MACROD2: variants seen among roughly 807,000 people sequenced by gnomAD.
The protein encoded by MACROD2 is ADP-ribose glycohydrolase MACROD2.
MACROD2 carries 36 observed loss-of-function variants against 70.4 expected under a neutral mutation model. The ratio of observed to expected loss-of-function variants is 0.51; its 90% confidence interval spans 0.39 to 0.68. The LOEUF is 0.68. MACROD2 is among the 30% of genes least tolerant of loss of function. The probability of loss-of-function intolerance (pLI) is 0.00; values close to 1 mark genes in which losing one functional copy is unlikely to be tolerated. For missense variants in MACROD2, 496 were observed against 538.4 expected (o/e 0.92, Z 0.78); for synonymous variants, 172 against 178.8 (o/e 0.96, Z 0.30).
At chr20:14,386,925 G>T (rs955541229) in intron 3 of MACROD2, among the ~76,000 whole-genome samples, 2 of 152,198 alleles carry the variant, frequency 1.3e-5, no homozygotes, top group African/African-American at 2.4e-5. Context: ...ATCACCAGGA[G>T]TGTGTGATGC....
intron 8 of MACROD2, among the ~76,000 whole-genome samples, chr20:15,617,410 G>C (rs2049054403): frequency 6.6e-6 from 1 of 152,140 alleles, no homozygotes; most frequent in Non-Finnish European, 1.5e-5. Flanking sequence ...GGCCAATAAA[G>C]TTTATGAACT....
At chr20:14,344,817 C>T (rs142533743) in intron 3 of MACROD2, among the ~76,000 whole-genome samples, 1 of 152,116 alleles carries the variant, frequency 6.6e-6, no homozygotes. Context: ...ATTCAAGGAG[C>T]TTTTTGGTTG....
chr20:14,209,060 T>A (rs2081549159), intron 3 of MACROD2, among the ~76,000 whole-genome samples: 1 of 152,184 alleles, frequency 6.6e-6, no homozygotes, highest in African/African-American at 2.4e-5. Flanking sequence ...GAGTAAGGAT[T>A]ATATAGCAAA....
At chr20:14,177,239 A>AAAACTACAAGTG (rs2081269696) in intron 3 of MACROD2, among the ~76,000 whole-genome samples, 1 of 152,132 alleles carries the variant, frequency 6.6e-6, no homozygotes, top group East Asian at 1.9e-4. Flanking sequence ...CAAAAAAGAG[A>AAAACTACAAGTG]AAACTACAAG....
chr20:15,325,206 G>A (rs2077915752), intron 6 of MACROD2, among the ~76,000 whole-genome samples: 1 of 152,112 alleles, frequency 6.6e-6, no homozygotes, highest in Non-Finnish European at 1.5e-5. Flanking sequence ...AGCTAGGAAT[G>A]TATTTACTTC....
chr20:15,372,400 T>G (rs997137592), intron 6 of MACROD2, among the ~76,000 whole-genome samples: 3 of 152,220 alleles, frequency 2.0e-5, no homozygotes, highest in Non-Finnish European at 4.4e-5. Context: ...AGACTTTAAT[T>G]TTTACAGTTG....
intron 15 of MACROD2, among the ~76,000 whole-genome samples, chr20:16,004,946 C>T (rs1601310708): frequency 6.6e-6 from 1 of 152,248 alleles, no homozygotes; most frequent in South Asian, 2.1e-4. Context: ...GCACCCTAAA[C>T]TCACTAAGTC....
rs576439131 is a variant in MACROD2, at chr20:14,301,052, C to T, written c.272-192427C>T. Among the ~76,000 whole-genome samples, 21 of 152,208 alleles carry T rather than the reference C, an allele frequency of 1.4e-4. 1 individual carries two copies. The highest frequency in any genetic ancestry group is 2.1e-4 in the South Asian group (1 of 4,828). ...CTATTAATGTAGTTAACACTCGCCA[C>T]GATCCTATCAGGTATGTATTCTTAA... is the stretch of plus-strand genomic sequence containing the variant. On this transcript the variant is annotated intron_variant, in intron 3 of 17. Coordinates refer to ENST00000684519, the MANE Select transcript of MACROD2 (RefSeq NM_001351661.2).
At chr20:14,534,067 A>C (rs898802016) in intron 4 of MACROD2, among the ~76,000 whole-genome samples, 3 of 152,240 alleles carry the variant, frequency 2.0e-5, no homozygotes, top group African/African-American at 7.2e-5. Context: ...AATACCAGTT[A>C]AAAGAGAAGG....
intron 5 of MACROD2, among the ~76,000 whole-genome samples, chr20:15,176,046 A>T (rs2076458848): frequency 6.6e-6 from 1 of 152,168 alleles, no homozygotes; most frequent in South Asian, 2.1e-4. Context: ...TGCAGAGCAA[A>T]GTTGTGGCTG....
At chr20:15,197,050 TCTTATAAGGTC>T (rs761698673) in intron 5 of MACROD2, 755 of 984,600 alleles carry the variant, frequency 7.7e-4, no homozygotes, top group East Asian at 3.5e-3. Flanking sequence ...TTTTGCTCAC[TCTTATAAGGTC>T]CTTATAAGGT....
At chr20:15,022,507 A>G (rs1346075279) in intron 5 of MACROD2, among the ~76,000 whole-genome samples, 6 of 152,246 alleles carry the variant, frequency 3.9e-5, no homozygotes, top group Admixed American at 3.9e-4. Flanking sequence ...AATAGTCTGT[A>G]CAATTTATGA....
chr20:14,604,832 G>T (rs953335630), intron 4 of MACROD2, among the ~76,000 whole-genome samples: 9 of 152,114 alleles, frequency 5.9e-5, no homozygotes, highest in African/African-American at 2.2e-4. Flanking sequence ...CAAGGAAGAA[G>T]ATCCCCTCAT....
intron 13 of MACROD2, among the ~76,000 whole-genome samples, chr20:15,978,606 CTCT>C (rs1301929312): frequency 6.6e-6 from 1 of 152,040 alleles, no homozygotes; most frequent in East Asian, 1.9e-4. Flanking sequence ...CTCTCTCTCT[CTCT>C]CTCTCTCGTT....
intron 5 of MACROD2, among the ~76,000 whole-genome samples, chr20:14,844,237 T>C (rs899007664): frequency 1.3e-5 from 2 of 151,986 alleles, no homozygotes; most frequent in African/African-American, 4.8e-5. Flanking sequence ...GGTGGCAAAG[T>C]ACTGGTTCAA....
chr20:14,909,917 C>T (rs997527492), intron 5 of MACROD2, among the ~76,000 whole-genome samples: 35 of 152,210 alleles, frequency 2.3e-4, no homozygotes, highest in African/African-American at 8.2e-4. Context: ...CTTGAACTAA[C>T]TGCCTTATCC....
chr20:14,530,427 T>G (rs1290371024), intron 4 of MACROD2, among the ~76,000 whole-genome samples: 1 of 152,202 alleles, frequency 6.6e-6, no homozygotes, highest in Non-Finnish European at 1.5e-5. Context: ...ACTTTCATAT[T>G]TTTTATTTAG....
At chr20:14,390,943 G>C (rs560499138) in intron 3 of MACROD2, among the ~76,000 whole-genome samples, 1 of 152,240 alleles carries the variant, frequency 6.6e-6, no homozygotes, top group South Asian at 2.1e-4. Context: ...ACACCAGTCA[G>C]AATGGCTATT....
chr20:14,852,270 C>A (rs1218434465), intron 5 of MACROD2, among the ~76,000 whole-genome samples: 1 of 152,072 alleles, frequency 6.6e-6, no homozygotes, highest in Non-Finnish European at 1.5e-5. Flanking sequence ...AAGAGGCCCC[C>A]ACAGTAGTCC....
Sources: gnomAD v4.1 joint callset for allele counts (sites outside exome capture counted in the v4.1 genomes callset) on GRCh38, gnomAD v4.1.1 for gene constraint, MANE v1.5 for transcripts, NCBI Gene and HGNC (gene_info 2026-07-23, HGNC 2026-07-21) for gene names.